The following LY86 variants were observed in gnomAD, a reference collection of about 807,000 sequenced individuals.
LY86 encodes MD-1, RP105-associated.
In LY86, 20 loss-of-function variants were observed where a neutral mutation model predicts 17.3. That is an observed-to-expected ratio of 1.15 (90% CI 0.81 to 1.68). LY86 has a LOEUF of 1.68. LY86 is among the 40% of genes most tolerant of loss of function. The pLI is 0.00. For missense variants in LY86, 200 were observed against 191.9 expected, an observed-to-expected ratio of 1.04 and a Z score of -0.25; for synonymous variants, 74 against 70.6, an observed-to-expected ratio of 1.05 and a Z score of -0.24.
chr6:6,635,476 G>A (rs1015060828), intron 3 of LY86, among the ~76,000 whole-genome samples: 2 of 151,372 alleles, frequency 1.3e-5, no homozygotes, highest in Non-Finnish European at 2.9e-5. Context: ...TCAAAATACC[G>A]TAACATTTTC....
intron 1 of LY86, among the ~76,000 whole-genome samples, chr6:6,595,762 T>C (rs905267869): frequency 6.6e-6 from 1 of 152,150 alleles, no homozygotes; most frequent in Non-Finnish European, 1.5e-5. Context: ...GCATATTTTA[T>C]AGTCAGAGCC....
At chr6:6,612,269 G>A (rs764670498) in intron 1 of LY86, among the ~76,000 whole-genome samples, 5 of 152,192 alleles carry the variant, frequency 3.3e-5, no homozygotes, top group East Asian at 1.9e-4. Context: ...GTTCAGATGT[G>A]TTCTGAGTTT....
chr6:6,632,759 T>C (rs1761913258), intron 3 of LY86, among the ~76,000 whole-genome samples: 1 of 152,252 alleles, frequency 6.6e-6, no homozygotes, highest in African/African-American at 2.4e-5. Flanking sequence ...TTTCTACCAC[T>C]GGCTTGACTT....
chr6:6,636,832 C>T (rs1761965804), intron 3 of LY86, among the ~76,000 whole-genome samples: 2 of 150,282 alleles, frequency 1.3e-5, no homozygotes, highest in Non-Finnish European at 2.9e-5. Flanking sequence ...CAAATTCATG[C>T]AGAATCACCA....
At chr6:6,633,173 C>T (rs1307937527) in intron 3 of LY86, among the ~76,000 whole-genome samples, 1 of 152,168 alleles carries the variant, frequency 6.6e-6, no homozygotes, top group African/African-American at 2.4e-5. Flanking sequence ...AGAAGCAACA[C>T]TTCATTCTTG....
intron 4 of LY86, among the ~76,000 whole-genome samples, chr6:6,653,238 G>T (rs1442973309): frequency 6.6e-6 from 1 of 152,050 alleles, no homozygotes; most frequent in African/African-American, 2.4e-5. Context: ...CTAGAAAGTT[G>T]CTCCCTTCTA....
intron 1 of LY86, chr6:6,591,399 T>C (rs1760520605): frequency 6.5e-6 from 1 of 153,714 alleles, no homozygotes; most frequent in Admixed American, 6.5e-5. Context: ...GGTAAATGCT[T>C]TGTGTGAAAG....
intron 1 of LY86, among the ~76,000 whole-genome samples, chr6:6,589,755 CTTA>C (rs1760468411): frequency 6.6e-6 from 1 of 151,744 alleles, no homozygotes. Context: ...ATCTCCTCTT[CTTA>C]TAAGTACACA....
intron 1 of LY86, among the ~76,000 whole-genome samples, chr6:6,612,033 T>C (rs1465555992): frequency 2.6e-5 from 4 of 152,230 alleles, no homozygotes; most frequent in Admixed American, 2.6e-4. Context: ...GTCTCTTGTA[T>C]TAGGAGAGAG....
In LY86 at chr6:6,630,825, G is replaced by A. The variant is rs148308100; in HGVS notation, c.352+4404G>A. On this transcript the variant is annotated intron_variant, in intron 3 of 4. Coordinates refer to ENST00000230568, the MANE Select transcript of LY86 (RefSeq NM_004271.4). ...CTGAAATGTAGCCAGTCTGAATAGA[G>A]ATGTGCTGTAAGTGTAAAGTACAGA... Among the ~76,000 whole-genome samples the A allele has an allele frequency of 5.3e-3, 800 of 152,286 alleles. 4 individuals carry two copies. Among genetic ancestry groups the A allele is most frequent in the Middle Eastern group, 0.031 (9 of 294 alleles).
chr6:6,616,723 T>C (rs1761562897), intron 1 of LY86, among the ~76,000 whole-genome samples: 1 of 152,220 alleles, frequency 6.6e-6, no homozygotes. Context: ...TTTTAAATCA[T>C]ATCTAGTTCA....
chr6:6,647,858 T>C (rs538548873), intron 3 of LY86, among the ~76,000 whole-genome samples: 1 of 152,228 alleles, frequency 6.6e-6, no homozygotes, highest in African/African-American at 2.4e-5. Flanking sequence ...AACTCTGATA[T>C]TCATAGCTCC....
intron 1 of LY86, among the ~76,000 whole-genome samples, chr6:6,613,740 G>A (rs1013493249): frequency 3.3e-5 from 5 of 152,234 alleles, no homozygotes; most frequent in East Asian, 3.9e-4. Context: ...CGGCCAGAGT[G>A]GGCGCCAAGG....
At chr6:6,612,635 A>G (rs1761413268) in intron 1 of LY86, among the ~76,000 whole-genome samples, 1 of 152,228 alleles carries the variant, frequency 6.6e-6, no homozygotes, top group African/African-American at 2.4e-5. Context: ...GGTCCATTTT[A>G]CAGAGAGCCA....
chr6:6,593,194 C>CTT (rs1491147991), intron 1 of LY86, among the ~76,000 whole-genome samples: 4 of 152,214 alleles, frequency 2.6e-5, no homozygotes, highest in East Asian at 1.9e-4. Context: ...GGGAGAATCC[C>CTT]TTTCTTTTCT....
At position 6,650,338 on chromosome 6, in the gene LY86, TG is replaced by T. The variant is rs766605705; in HGVS notation, c.405+663del. On this transcript the variant is annotated intron_variant, in intron 4 of 4. Transcript: ENST00000230568. Reference sequence around the variant, plus strand: ...GTTCAATATGCTACCCCTCAGATAATGGTTTTTTTTTTTTTTGAGAGAGTCT... The same window carrying T: ...GTTCAATATGCTACCCCTCAGATAATGTTTTTTTTTTTTTTGAGAGAGTCT... Among the ~76,000 whole-genome samples, 116 of 94,464 alleles carry T rather than the reference TG, an allele frequency of 1.2e-3. 3 individuals carry two copies. The highest frequency in any genetic ancestry group is 3.2e-3 in the African/African-American group (77 of 24,142). 62.0% of individuals were successfully genotyped at this position (94,464 alleles called of 152,430 possible). A position where few individuals can be genotyped will look rare whatever the true frequency, so the allele number is the denominator to read the frequency against.
intron 1 of LY86, among the ~76,000 whole-genome samples, chr6:6,602,633 G>A (rs1002624977): frequency 2.6e-5 from 4 of 152,164 alleles, no homozygotes; most frequent in African/African-American, 4.8e-5. Context: ...AGAAGCCAGC[G>A]CAGGCCACCA....
At chr6:6,605,797 T>A (rs4959390) in intron 1 of LY86, among the ~76,000 whole-genome samples, 2 of 152,064 alleles carry the variant, frequency 1.3e-5, no homozygotes, top group African/African-American at 4.8e-5. Context: ...TTTCTTCCTT[T>A]TGGTGGGGTT....
At chr6:6,636,629 T>C (rs972063721) in intron 3 of LY86, among the ~76,000 whole-genome samples, 3 of 152,228 alleles carry the variant, frequency 2.0e-5, no homozygotes, top group Non-Finnish European at 4.4e-5. Context: ...TTCTGATGGT[T>C]GAACAAGGCG....
Sources: allele counts gnomAD v4.1 joint callset (sites outside exome capture counted in the v4.1 genomes callset), GRCh38; gene constraint gnomAD v4.1.1; transcripts MANE v1.5; gene names NCBI Gene and HGNC (gene_info 2026-07-23, HGNC 2026-07-21).